MAPK4: variants seen among roughly 807,000 people sequenced by gnomAD.
MAPK4 encodes the protein mitogen-activated protein kinase 4, also known as Erk3-related.
In MAPK4, 22 loss-of-function variants were observed where a neutral mutation model predicts 47.7. The ratio of observed to expected loss-of-function variants is 0.46; its 90% confidence interval spans 0.33 to 0.66. The LOEUF (loss-of-function observed/expected upper bound fraction) is 0.66, where lower values mean the gene tolerates loss of function less well. Among genes scored for constraint, MAPK4 ranks in the 30% least tolerant of loss-of-function variants. MAPK4 has a pLI of 0.02. For synonymous variants in MAPK4, 390 were observed against 365.7 expected (o/e 1.07, Z -0.76); for missense variants, 736 against 831.7 (o/e 0.88, Z 1.42).
chr18:50,648,099 CAGAGAGAGAG>C (rs146378809), intron 1 of MAPK4, among the ~76,000 whole-genome samples: 20 of 146,982 alleles, frequency 1.4e-4, no homozygotes, highest in Non-Finnish European at 1.9e-4. Context: ...AAGAAAGACC[CAGAGAGAGAG>C]AGAGAGAGAG....
intron 1 of MAPK4, among the ~76,000 whole-genome samples, chr18:50,653,640 C>T (rs576340256): frequency 2.6e-5 from 4 of 152,308 alleles, no homozygotes; most frequent in South Asian, 2.1e-4. Context: ...TGGAAGGAAG[C>T]GGAGGAGAAT....
chr18:50,562,919 C>G (rs902728779), intron 1 of MAPK4, among the ~76,000 whole-genome samples: 1 of 152,120 alleles, frequency 6.6e-6, no homozygotes, highest in African/African-American at 2.4e-5. Context: ...TTTCTCTTAT[C>G]AGACATTGAG....
intron 1 of MAPK4, among the ~76,000 whole-genome samples, chr18:50,611,347 T>G (rs2042631552): frequency 6.6e-6 from 1 of 152,248 alleles, no homozygotes. Context: ...CTTGGCATCT[T>G]CTTCCCGTCA....
chr18:50,724,737 C>A (rs1911102265), intron 4 of MAPK4, among the ~76,000 whole-genome samples: 1 of 152,208 alleles, frequency 6.6e-6, no homozygotes. Context: ...GATGAATTTT[C>A]TTGCAAAGAG....
chr18:50,697,849 C>A (rs1909592622), intron 2 of MAPK4, among the ~76,000 whole-genome samples: 1 of 152,172 alleles, frequency 6.6e-6, no homozygotes, highest in African/African-American at 2.4e-5. Context: ...ATCAGCTGCT[C>A]CTTAGGGCCT....
intron 1 of MAPK4, among the ~76,000 whole-genome samples, chr18:50,609,418 C>T (rs911813186): frequency 2.6e-5 from 4 of 151,318 alleles, no homozygotes; most frequent in African/African-American, 9.7e-5. Flanking sequence ...GACGGGGCGG[C>T]GAGATATGTC....
chr18:50,657,832 C>A (rs570335878), intron 1 of MAPK4, among the ~76,000 whole-genome samples: 2 of 152,138 alleles, frequency 1.3e-5, no homozygotes, highest in African/African-American at 4.8e-5. Context: ...GCTGAGAAAC[C>A]CTGGTTTAGA....
chr18:50,700,312 C>A (rs892954141), intron 2 of MAPK4, among the ~76,000 whole-genome samples: 8 of 152,126 alleles, frequency 5.3e-5, no homozygotes, highest in African/African-American at 1.7e-4. Flanking sequence ...TAAAGACCAG[C>A]CAAATTCTTT....
intron 1 of MAPK4, among the ~76,000 whole-genome samples, chr18:50,658,522 G>T (rs1382273639): frequency 1.3e-5 from 2 of 152,196 alleles, no homozygotes; most frequent in Admixed American, 6.5e-5. Context: ...AAATAATCAG[G>T]TGAAGCCGTT....
intron 2 of MAPK4, among the ~76,000 whole-genome samples, chr18:50,673,446 G>A (rs1219508005): frequency 6.6e-6 from 1 of 152,370 alleles, no homozygotes; most frequent in East Asian, 1.9e-4. Flanking sequence ...CGCTAGGGAC[G>A]CTGGAGTGGA....
At chr18:50,633,236 G>A (rs1411741651) in intron 1 of MAPK4, among the ~76,000 whole-genome samples, 5 of 152,190 alleles carry the variant, frequency 3.3e-5, no homozygotes, top group African/African-American at 9.7e-5. Context: ...GAGACTTTGC[G>A]AAGGCACTGG....
intron 2 of MAPK4, among the ~76,000 whole-genome samples, chr18:50,665,202 G>T (rs1907529625): frequency 6.6e-6 from 1 of 152,170 alleles, no homozygotes; most frequent in African/African-American, 2.4e-5. Flanking sequence ...CACTCTGCTG[G>T]AGACAAATGT....
chr18:50,713,539 A>G (rs1275665316), intron 2 of MAPK4, among the ~76,000 whole-genome samples: 2 of 152,234 alleles, frequency 1.3e-5, no homozygotes, highest in Admixed American at 1.3e-4. Flanking sequence ...AACACTTCTT[A>G]GGAGGCATGG....
chr18:50,657,732 C>T (rs140324696), intron 1 of MAPK4, among the ~76,000 whole-genome samples: 4 of 151,568 alleles, frequency 2.6e-5, no homozygotes, highest in East Asian at 1.9e-4. Context: ...TCTAGGAGGC[C>T]GAGGCAAGGG....
At chr18:50,669,178 C>T (rs1907783059) in intron 2 of MAPK4, 1 of 152,272 alleles carries the variant, frequency 6.6e-6, no homozygotes, top group African/African-American at 2.4e-5. Context: ...TGTGACAAGC[C>T]CTTTCTACCG....
chr18:50,680,841 A>T (rs182128998), intron 2 of MAPK4, among the ~76,000 whole-genome samples: 1 of 152,354 alleles, frequency 6.6e-6, no homozygotes, highest in East Asian at 1.9e-4. Flanking sequence ...GCTGATGGAC[A>T]TTTGGGTTGT....
At chr18:50,690,927 AG>A (rs1420606667) in intron 2 of MAPK4, among the ~76,000 whole-genome samples, 1 of 152,104 alleles carries the variant, frequency 6.6e-6, no homozygotes, top group Admixed American at 6.5e-5. Flanking sequence ...GGTACCAAAG[AG>A]GTGTGAAGGA....
At position 50,730,251 on chromosome 18, in the gene MAPK4, C is replaced by G. The variant is rs1911489017; in HGVS notation, c.*397C>G. 1 of 163,644 alleles carries G rather than the reference C, an allele frequency of 6.1e-6. No individual in the cohort carries two copies. The highest frequency in any genetic ancestry group is 2.0e-4 in the South Asian group (1 of 5,066). The allele number at this position is 163,644 out of a possible 1,614,324, so 10.1% of individuals were successfully genotyped here. On this transcript the variant is annotated 3_prime_UTR_variant, in exon 6 of 6. Transcript: ENST00000400384. ...GACAGCTGAGGAAAGGCAATTAGGC[C>G]CAGAGAGGCAGAGACACTCGCTTAA...
In MAPK4 at chr18:50,643,889, T is replaced by A. The variant is rs114878515; in HGVS notation, c.-870-19200T>A. Among the ~76,000 whole-genome samples the A allele has an allele frequency of 6.5e-3, 990 of 152,316 alleles. 10 individuals carry two copies. Among genetic ancestry groups the A allele is most frequent in the African/African-American group, 0.022 (924 of 41,570 alleles). ...TCTGGGCCAAGACAATTGAATTCTT[T>A]GCCTTTCAGAAATGTCTTAACATCC... On this transcript the variant is annotated intron_variant, in intron 1 of 5. Transcript: ENST00000400384.
Sources: allele counts gnomAD v4.1 joint callset (sites outside exome capture counted in the v4.1 genomes callset), GRCh38; gene constraint gnomAD v4.1.1; transcripts MANE v1.5; gene names NCBI Gene and HGNC (gene_info 2026-07-23, HGNC 2026-07-21).